The following EYA1 variants were observed in gnomAD, a reference collection of about 807,000 sequenced individuals.
EYA1 encodes the protein protein phosphatase EYA1.
In EYA1, 16 loss-of-function variants were observed where a neutral mutation model predicts 82.0. The observed-to-expected ratio is 0.20, with a 90% confidence interval of 0.13 to 0.30. The LOEUF is 0.30. Ranked by LOEUF, EYA1 falls within the 10% of genes least tolerant of loss-of-function variation. The pLI is 1.00. For synonymous variants in EYA1, 261 were observed against 264.4 expected, an observed-to-expected ratio of 0.99 and a Z score of 0.12; for missense variants, 633 against 730.7, an observed-to-expected ratio of 0.87 and a Z score of 1.54.
chr8:71,488,041 G>A (rs553760079), intron 2 of EYA1, among the ~76,000 whole-genome samples: 2 of 152,008 alleles, frequency 1.3e-5, no homozygotes, highest in Non-Finnish European at 2.9e-5. Flanking sequence ...AAAAAAGGAG[G>A]GGGGAGACAA....
chr8:71,516,232 TGAGTACCAGGCAATG>T (rs1460381837), intron 2 of EYA1, among the ~76,000 whole-genome samples: 1 of 152,168 alleles, frequency 6.6e-6, no homozygotes, highest in Non-Finnish European at 1.5e-5. Context: ...GAATAGCCAC[TGAGTACCAGGCAATG>T]TGATAGGCTA....
At chr8:71,403,955 C>T (rs998326993) in intron 2 of EYA1, 1 of 152,118 alleles carries the variant, frequency 6.6e-6, no homozygotes, top group South Asian at 2.1e-4. Context: ...TCTTAAAGTA[C>T]ATACTTGTTT....
intron 2 of EYA1, among the ~76,000 whole-genome samples, chr8:71,389,905 T>C (rs4480150): frequency 6.6e-6 from 1 of 151,924 alleles, no homozygotes; most frequent in Non-Finnish European, 1.5e-5. Context: ...TGGGTATATA[T>C]ATATACATTT....
At chr8:71,341,761 G>C (rs1014431349) in intron 3 of EYA1, among the ~76,000 whole-genome samples, 1 of 152,106 alleles carries the variant, frequency 6.6e-6, no homozygotes. Context: ...AAAAACATTA[G>C]CTCTTCAATG....
At chr8:71,284,437 G>A (rs7000159) in intron 9 of EYA1, among the ~76,000 whole-genome samples, 71,477 of 152,068 alleles carry the variant, frequency 0.47, 17,157 homozygotes, top group African/African-American at 0.55. Context: ...ACACATTAGG[G>A]TTGCATACAT....
intron 4 of EYA1, 199 bp from the exon 5 acceptor site, chr8:71,322,467 CT>C (rs1399021675): frequency 3.4e-6 from 2 of 592,244 alleles, no homozygotes; most frequent in Non-Finnish European, 6.0e-6. Flanking sequence ...TGAATAGAAA[CT>C]GATTAAGGGC....
At chr8:71,325,592 A>G (rs1256919335) in intron 4 of EYA1, among the ~76,000 whole-genome samples, 1 of 152,198 alleles carries the variant, frequency 6.6e-6, no homozygotes, top group African/African-American at 2.4e-5. Flanking sequence ...AGAATGGTTC[A>G]ATTATTTTAA....
intron 2 of EYA1, among the ~76,000 whole-genome samples, chr8:71,396,669 T>C (rs550950007): frequency 5.4e-4 from 83 of 152,324 alleles, no homozygotes; most frequent in Non-Finnish European, 8.5e-4. Context: ...TTTGTTATAA[T>C]TTCTGTTCTT....
chr8:71,377,210 G>T (rs562716592), intron 2 of EYA1, among the ~76,000 whole-genome samples: 1 of 152,296 alleles, frequency 6.6e-6, no homozygotes, highest in Non-Finnish European at 1.5e-5. Context: ...TTAGATCCAG[G>T]CACCATGAAA....
chr8:71,301,366 T>C (rs959332717), intron 7 of EYA1, among the ~76,000 whole-genome samples: 1 of 152,216 alleles, frequency 6.6e-6, no homozygotes, highest in Admixed American at 6.5e-5. Context: ...GAAAGCATAA[T>C]GGACACTCTA....
At chr8:71,353,078 C>T (rs1168366230) in intron 3 of EYA1, among the ~76,000 whole-genome samples, 1 of 152,182 alleles carries the variant, frequency 6.6e-6, no homozygotes, top group East Asian at 1.9e-4. Context: ...CATACTTAGT[C>T]TTCCTTATTT....
At chr8:71,480,506 G>A (rs7013280) in intron 2 of EYA1, among the ~76,000 whole-genome samples, 7,122 of 151,874 alleles carry the variant, frequency 0.047, 547 homozygotes, top group African/African-American at 0.16. Flanking sequence ...CCACTGATTG[G>A]TCTGCAAAAC....
intron 12 of EYA1, among the ~76,000 whole-genome samples, chr8:71,236,221 AGATGGGGTT>A (rs1314460069): frequency 2.0e-5 from 3 of 152,062 alleles, no homozygotes; most frequent in Non-Finnish European, 2.9e-5. Flanking sequence ...TTTTTAGTAG[AGATGGGGTT>A]TCACCGTGTT....
chr8:71,208,461 C>CTATTTCCAGT (rs1808100311), intron 17 of EYA1, among the ~76,000 whole-genome samples: 1 of 152,084 alleles, frequency 6.6e-6, no homozygotes, highest in Non-Finnish European at 1.5e-5. Flanking sequence ...GAACCTCAGC[C>CTATTTCCAGT]TATTTCCAGT....
In EYA1 at chr8:71,463,613, CTCTCTCTCTCTCTCTCTCT is replaced by C. The variant is rs1563640061; in HGVS notation, c.33+72112_33+72130del. On this transcript the variant is annotated intron_variant, in intron 2 of 18. Coordinates refer to the EYA1 transcript ENST00000643681. Reference sequence around the variant, plus strand: ...TCTCTCTCTCTCTCTCTCTCTCTCTCTCTCTCTCTCTCTCTCTCTCCCTCCCTCCCCCCTCCCACACACA... The same window carrying C: ...TCTCTCTCTCTCTCTCTCTCTCTCTCCCCTCCCTCCCCCCTCCCACACACA... Among the ~76,000 whole-genome samples the C allele has an allele frequency of 2.5e-4, 34 of 136,338 alleles. 1 individual carries two copies. The highest frequency in any genetic ancestry group is 1.5e-3 in the East Asian group (7 of 4,566). 89.4% of individuals were successfully genotyped at this position (136,338 alleles called of 152,430 possible). A position where few individuals can be genotyped will look rare whatever the true frequency, so the allele number is the denominator to read the frequency against.
At chr8:71,211,314 T>G in intron 16 of EYA1, 58 bp from the exon 17 acceptor site, 2 of 1,109,626 alleles carry the variant, frequency 1.8e-6, no homozygotes, top group Non-Finnish European at 2.8e-6. Context: ...AATGTGACAG[T>G]GCTTGAACTT....
At chr8:71,482,804 C>T (rs1234968764) in intron 2 of EYA1, among the ~76,000 whole-genome samples, 1 of 152,166 alleles carries the variant, frequency 6.6e-6, no homozygotes, top group Non-Finnish European at 1.5e-5. Flanking sequence ...CTATAGGATT[C>T]CTATTTACAT....
chr8:71,237,826 T>TAA, intron 12 of EYA1, among the ~76,000 whole-genome samples: 1 of 152,202 alleles, frequency 6.6e-6, no homozygotes, highest in Admixed American at 6.5e-5. Flanking sequence ...ATATTAGTTT[T>TAA]TAAAAATTAA....
At chr8:71,397,065 T>A (rs1829667418) in intron 2 of EYA1, among the ~76,000 whole-genome samples, 1 of 152,224 alleles carries the variant, frequency 6.6e-6, no homozygotes, top group South Asian at 2.1e-4. Context: ...TCTCTTTTGA[T>A]CTTTGTTGAT....
Sources: allele counts gnomAD v4.1 joint callset (sites outside exome capture counted in the v4.1 genomes callset), GRCh38; gene constraint gnomAD v4.1.1; transcripts MANE v1.5; gene names NCBI Gene and HGNC (gene_info 2026-07-23, HGNC 2026-07-21).